CDH3: variants seen among roughly 807,000 people sequenced by gnomAD.
CDH3 encodes cadherin-3.
A neutral mutation model predicts 82.0 loss-of-function variants in CDH3; 54 were observed. That is an observed-to-expected ratio of 0.66 (90% CI 0.53 to 0.83). CDH3 has a LOEUF of 0.83. CDH3 is among the 40% of genes least tolerant of loss of function. The pLI, the probability that CDH3 is intolerant of heterozygous loss-of-function variation, is 0.00. For missense variants in CDH3, 1,054 were observed against 1,084.6 expected, an observed-to-expected ratio of 0.97 and a Z score of 0.40; for synonymous variants, 446 against 437.9, an observed-to-expected ratio of 1.02 and a Z score of -0.23.
At chr16:68,666,930 C>G (rs1367998506) in intron 2 of CDH3, among the ~76,000 whole-genome samples, 1 of 151,912 alleles carries the variant, frequency 6.6e-6, no homozygotes, top group African/African-American at 2.4e-5. Context: ...AAGCAAGTCA[C>G]GAACATCCTG....
downstream of CDH3, among the ~76,000 whole-genome samples, chr16:68,732,132 C>T (rs533421358): frequency 5.3e-5 from 8 of 151,134 alleles, no homozygotes; most frequent in South Asian, 2.1e-4. Context: ...AGCCAGTTCC[C>T]GCCCCTCCAT....
At chr16:68,714,672 A>G (rs950596649) in intron 1 of CDH3, among the ~76,000 whole-genome samples, 1 of 152,156 alleles carries the variant, frequency 6.6e-6, no homozygotes, top group Non-Finnish European at 1.5e-5. Context: ...GCTGTAGAGC[A>G]CTTTCAGCTA....
At chr16:68,718,355 C>G (rs867776026) in intron 1 of CDH3, among the ~76,000 whole-genome samples, 1 of 151,944 alleles carries the variant, frequency 6.6e-6, no homozygotes, top group Non-Finnish European at 1.5e-5. Flanking sequence ...GTTATAGCAA[C>G]GTAAAACAGA....
At chr16:68,663,737 G>A (rs1960660815) in intron 2 of CDH3, among the ~76,000 whole-genome samples, 1 of 152,050 alleles carries the variant, frequency 6.6e-6, no homozygotes, top group Admixed American at 6.5e-5. Flanking sequence ...AAATGGTCAA[G>A]GAAGAAGCAG....
chr16:68,645,815 C>T (rs751641818), intron 2 of CDH3, 65 bp downstream of exon 2: 1 of 1,261,188 alleles, frequency 7.9e-7, no homozygotes, highest in Non-Finnish European at 1.1e-6. Flanking sequence ...GTGGACCGCG[C>T]GAGGGGTGTT....
At chr16:68,704,008 C>T (rs535381678), downstream of CDH3, among the ~76,000 whole-genome samples, 40 of 149,914 alleles carry the variant, frequency 2.7e-4, no homozygotes, top group Non-Finnish European at 1.2e-4. Flanking sequence ...TAATATTGGC[C>T]GGGCGCGGTG....
chr16:68,710,552 A>G (rs1000029042), intron 1 of CDH3, among the ~76,000 whole-genome samples: 8 of 152,158 alleles, frequency 5.3e-5, no homozygotes, highest in African/African-American at 9.7e-5. Flanking sequence ...TGAAAAGTCA[A>G]TAGAGCTTAG....
intron 2 of CDH3, among the ~76,000 whole-genome samples, chr16:68,654,060 A>ATT (rs201141030): frequency 3.5e-4 from 44 of 125,960 alleles, no homozygotes; most frequent in African/African-American, 5.3e-4. Context: ...TTTGTTCTTA[A>ATT]TTTTTTTTTT....
At chr16:68,700,876 G>A (rs1157347190), downstream of CDH3, among the ~76,000 whole-genome samples, 1 of 152,006 alleles carries the variant, frequency 6.6e-6, no homozygotes, top group African/African-American at 2.4e-5. Flanking sequence ...GTATGAAGTC[G>A]GATGAGAAAG....
At chr16:68,647,449 C>A (rs1391141247) in intron 2 of CDH3, among the ~76,000 whole-genome samples, 2 of 152,106 alleles carry the variant, frequency 1.3e-5, no homozygotes, top group African/African-American at 4.8e-5. Context: ...GCGAGTGTTT[C>A]CCAATGACGT....
rs534998167 is a variant in CDH3 at position 68,681,180 on chromosome 16, A to G, written c.996+84A>G. On this transcript the variant is annotated intron_variant, in intron 8 of 15. Coordinates refer to ENST00000264012, the MANE Select transcript of CDH3 (RefSeq NM_001793.6). The stretch of plus-strand genomic sequence containing the variant: ...TCTCAGGAAACTGGAACCAGTCTAT[A>G]TTGCTTCAAATGCCAGTCTCAGCAC... The G allele has an allele frequency of 2.5e-4, 360 of 1,444,538 alleles. 3 individuals carry two copies. The South Asian group carries it at 3.8e-3, about 15-fold the overall frequency. The allele number at this position is 1,444,538 out of a possible 1,614,324, so 89.5% of individuals were successfully genotyped here.
chr16:68,680,043 G>A, intron 7 of CDH3, 69 bp downstream of exon 7: 1 of 1,466,128 alleles, frequency 6.8e-7, no homozygotes. Context: ...TCTGAGAGCA[G>A]AAGCTCCTAT....
intron 12 of CDH3, among the ~76,000 whole-genome samples, chr16:68,688,030 T>C (rs1191180236): frequency 6.6e-6 from 1 of 151,006 alleles, no homozygotes; most frequent in African/African-American, 2.4e-5. Flanking sequence ...GCACAGAGCA[T>C]GCTCAGTGAG....
intron 12 of CDH3, among the ~76,000 whole-genome samples, chr16:68,688,937 A>C (rs977469355): frequency 3.3e-5 from 5 of 152,172 alleles, no homozygotes; most frequent in Non-Finnish European, 7.4e-5. Flanking sequence ...ATTTTAATCT[A>C]GGCAGTCTCA....
chr16:68,700,816 T>C (rs1961883190), downstream of CDH3, among the ~76,000 whole-genome samples: 1 of 152,156 alleles, frequency 6.6e-6, no homozygotes, highest in African/African-American at 2.4e-5. Flanking sequence ...ATCACGCCAC[T>C]GCACTCCAGC....
intron 2 of CDH3, among the ~76,000 whole-genome samples, chr16:68,663,579 A>G (rs1960657037): frequency 6.6e-6 from 1 of 151,806 alleles, no homozygotes; most frequent in Non-Finnish European, 1.5e-5. Context: ...ATGCTGTTGC[A>G]TTTTTAAGAG....
intron 2 of CDH3, among the ~76,000 whole-genome samples, chr16:68,657,254 C>CTGTA (rs1960431023): frequency 6.6e-6 from 1 of 152,170 alleles, no homozygotes. Context: ...TGGCTGGCAC[C>CTGTA]TGTAATCCCA....
Position 68,698,257 on chromosome 16 carries a change from G to A in CDH3, c.2347G>A (p.Glu783Lys), listed in dbSNP as rs779032041. 6.2e-7 allele frequency: 1 copy of A among 1,614,242 alleles called. No individual in the cohort carries two copies. The change falls in exon 16 of 16, where the codon GAG becomes AAG. Residue 783 changes from glutamate to lysine, a missense_variant. Coordinates refer to ENST00000264012, the MANE Select transcript of CDH3 (RefSeq NM_001793.6). ...CGACACCCTCTTGGTGTTCGACTAT[G>A]AGGGCAGCGGCTCCGACGCCGCGTC... is the stretch of plus-strand genomic sequence containing the variant. ...PYDTLLVFDYEGSGSDAASLS... is the reference protein window; with the variant it reads ...PYDTLLVFDYKGSGSDAASLS...
intron 2 of CDH3, among the ~76,000 whole-genome samples, chr16:68,654,728 A>G (rs1295600303): frequency 1.4e-5 from 2 of 139,372 alleles, no homozygotes; most frequent in South Asian, 2.2e-4. Flanking sequence ...ATATATATAT[A>G]TATATATTTA....
Sources: gnomAD v4.1 joint callset for allele counts (sites outside exome capture counted in the v4.1 genomes callset) on GRCh38, gnomAD v4.1.1 for gene constraint, MANE v1.5 for transcripts, NCBI Gene and HGNC (gene_info 2026-07-23, HGNC 2026-07-21) for gene names.